C12orf50: variants seen among roughly 807,000 people sequenced by gnomAD.
The protein encoded by C12orf50 is uncharacterized protein C12orf50.
Under a neutral mutation model 61.6 loss-of-function variants are expected in C12orf50, and 35 were observed. That is an observed-to-expected ratio of 0.57 (90% CI 0.43 to 0.75). C12orf50 has a LOEUF of 0.75. Among genes scored for constraint, C12orf50 ranks in the 30% least tolerant of loss-of-function variants. The pLI is 0.00. For synonymous variants in C12orf50, 178 were observed against 161.5 expected, an observed-to-expected ratio of 1.10 and a Z score of -0.77; for missense variants, 475 against 488.5, an observed-to-expected ratio of 0.97 and a Z score of 0.26.
chr12:88,004,853 A>C (rs1306069390), intron 3 of C12orf50, among the ~76,000 whole-genome samples: 1 of 152,168 alleles, frequency 6.6e-6, no homozygotes, highest in Non-Finnish European at 1.5e-5. Flanking sequence ...GACACAAACA[A>C]GGGAAGAACA....
chr12:88,023,853 A>G (rs1227362096), intron 3 of C12orf50, among the ~76,000 whole-genome samples: 2 of 152,144 alleles, frequency 1.3e-5, no homozygotes, highest in Non-Finnish European at 2.9e-5. Flanking sequence ...GAGTAAACAG[A>G]CAATCTACAG....
chr12:88,025,667 A>G (rs1251513140), intron 3 of C12orf50, among the ~76,000 whole-genome samples: 1 of 152,140 alleles, frequency 6.6e-6, no homozygotes, highest in East Asian at 1.9e-4. Context: ...TGAACCCGGG[A>G]GGTGGAGGCT....
In C12orf50 at chr12:87,991,375, A is replaced by G. The variant is rs139772746; in HGVS notation, c.593-2004T>C. 1.6e-4 allele frequency among the ~76,000 whole-genome samples: 24 copies of G among 152,340 alleles called. No homozygotes were observed. In the East Asian group the frequency reaches 4.4e-3, roughly 28 times the overall value. ...AAGCGTAATCAAACAGGAAGTTGCA[A>G]AAAATAACAAGAACATTATCAAAAT... is the stretch of plus-strand genomic sequence containing the variant. On this transcript the variant is annotated intron_variant, in intron 7 of 12. Coordinates refer to ENST00000298699, the MANE Select transcript of C12orf50 (RefSeq NM_152589.3).
At chr12:87,996,027 G>T (rs11104708) in intron 6 of C12orf50, among the ~76,000 whole-genome samples, 12,982 of 152,098 alleles carry the variant, frequency 0.085, 615 homozygotes, top group African/African-American at 0.11. Context: ...TTCTTCTTGG[G>T]CTAGTCTTAC....
intron 3 of C12orf50, among the ~76,000 whole-genome samples, chr12:88,009,063 G>A (rs1381030315): frequency 6.6e-6 from 1 of 151,962 alleles, no homozygotes; most frequent in African/African-American, 2.4e-5. Context: ...ACATTTGACG[G>A]TTTCTAGCCT....
intron 3 of C12orf50, among the ~76,000 whole-genome samples, chr12:88,010,701 A>G (rs2032076940): frequency 6.6e-6 from 1 of 151,880 alleles, no homozygotes; most frequent in African/African-American, 2.4e-5. Context: ...ACACCTTTCT[A>G]TTTAATGTGT....
rs534008697 is a variant in C12orf50, at chr12:87,991,353, C to T, written c.593-1982G>A. Among the ~76,000 whole-genome samples the T allele has an allele frequency of 6.6e-5, 10 of 151,876 alleles. No homozygotes were observed. In the East Asian group the frequency reaches 7.8e-4, roughly 12 times the overall value. ...CTGAGGAAAATGAAAGATATCCAAG[C>T]GTAATCAAACAGGAAGTTGCAAAAA... On this transcript the variant is annotated intron_variant, in intron 7 of 12. Coordinates refer to ENST00000298699, the MANE Select transcript of C12orf50 (RefSeq NM_152589.3).
intron 11 of C12orf50, chr12:87,985,179 T>G (rs1379568002): frequency 6.6e-6 from 1 of 151,986 alleles, no homozygotes; most frequent in African/African-American, 2.4e-5. Flanking sequence ...CTTAGAAAAA[T>G]ACAAACATGA....
chr12:87,996,317 C>A, intron 6 of C12orf50, 57 bp downstream of exon 6: 1 of 1,171,082 alleles, frequency 8.5e-7, no homozygotes, highest in Non-Finnish European at 1.3e-6. Context: ...ATAATTCAGT[C>A]TATCACACCA....
intron 3 of C12orf50, among the ~76,000 whole-genome samples, chr12:88,006,281 G>A (rs1396733615): frequency 6.6e-6 from 1 of 152,190 alleles, no homozygotes; most frequent in African/African-American, 2.4e-5. Flanking sequence ...CTGGTTTACA[G>A]TTTAGTTTGC....
At chr12:88,014,237 G>A (rs1565757314) in intron 3 of C12orf50, among the ~76,000 whole-genome samples, 1 of 152,076 alleles carries the variant, frequency 6.6e-6, no homozygotes, top group Non-Finnish European at 1.5e-5. Context: ...ATGACAAAAA[G>A]CATTGGAGTA....
At chr12:88,006,243 T>C (rs1194736234) in intron 3 of C12orf50, among the ~76,000 whole-genome samples, 1 of 152,128 alleles carries the variant, frequency 6.6e-6, no homozygotes, top group Non-Finnish European at 1.5e-5. Flanking sequence ...ACTGTGTCTT[T>C]ACCGGGTTGT....
At chr12:87,990,071 T>C (rs747721626) in intron 7 of C12orf50, among the ~76,000 whole-genome samples, 3 of 152,170 alleles carry the variant, frequency 2.0e-5, no homozygotes, top group Non-Finnish European at 2.9e-5. Context: ...TTGTAAAACA[T>C]TGTGGCCAAA....
At chr12:87,998,321 G>A in intron 3 of C12orf50, 131 bp from the exon 4 acceptor site, 1 of 618,680 alleles carries the variant, frequency 1.6e-6, no homozygotes, top group South Asian at 5.3e-5. Context: ...TACATTAATG[G>A]ATTGTGTTTC....
At chr12:88,005,481 G>A (rs1380941874) in intron 3 of C12orf50, among the ~76,000 whole-genome samples, 1 of 152,164 alleles carries the variant, frequency 6.6e-6, no homozygotes, top group Non-Finnish European at 1.5e-5. Context: ...CATTGCTGGT[G>A]TAATGCCCCA....
intron 3 of C12orf50, among the ~76,000 whole-genome samples, chr12:88,002,446 T>C (rs1375435569): frequency 6.6e-6 from 1 of 151,840 alleles, no homozygotes; most frequent in South Asian, 2.1e-4. Flanking sequence ...GAGAAAAATG[T>C]GTATTTTACA....
chr12:88,005,742 C>T lies in C12orf50; in HGVS notation c.134-7552G>A, dbSNP rs953848146. ...GCAAGCTCCGCCTCCCCGGTTCAAG[C>T]GAGAATCCATGTTTTTAAACACCAG... On this transcript the variant is annotated intron_variant, in intron 3 of 12. Transcript: ENST00000298699. 1.4e-4 allele frequency among the ~76,000 whole-genome samples: 21 copies of T among 151,472 alleles called. No individual in the cohort carries two copies. In the South Asian group the frequency reaches 4.2e-3, roughly 30 times the overall value.
intron 3 of C12orf50, among the ~76,000 whole-genome samples, chr12:88,017,369 C>T (rs1443155544): frequency 1.3e-5 from 2 of 152,196 alleles, no homozygotes; most frequent in African/African-American, 4.8e-5. Flanking sequence ...CTCCTCCTTG[C>T]CTTCCACCAT....
At chr12:87,996,879 G>T (rs755786914) in intron 4 of C12orf50, among the ~76,000 whole-genome samples, 13 of 152,156 alleles carry the variant, frequency 8.5e-5, no homozygotes, top group Non-Finnish European at 1.6e-4. Context: ...GAAATGAGAC[G>T]CTGAATGTAC....
Sources: allele counts gnomAD v4.1 joint callset (sites outside exome capture counted in the v4.1 genomes callset), GRCh38; gene constraint gnomAD v4.1.1; transcripts MANE v1.5; gene names NCBI Gene and HGNC (gene_info 2026-07-23, HGNC 2026-07-21).